PTCHD4: variants seen among roughly 807,000 people sequenced by gnomAD.
The protein encoded by PTCHD4 is patched domain containing 4.
Under a neutral mutation model 58.1 loss-of-function variants are expected in PTCHD4, and 33 were observed. The observed-to-expected ratio is 0.57, with a 90% CI of 0.43 to 0.76. PTCHD4 has a LOEUF of 0.76. PTCHD4 is among the 30% of genes least tolerant of loss of function. The pLI, the probability that PTCHD4 is intolerant of heterozygous loss-of-function variation, is 0.00. For missense variants in PTCHD4, 1,058 were observed against 1,027.1 expected (o/e 1.03, Z -0.41); for synonymous variants, 478 against 409.6 (o/e 1.17, Z -2.02).
intron 4 of PTCHD4, among the ~76,000 whole-genome samples, chr6:47,976,603 A>T (rs1321846856): frequency 6.6e-6 from 1 of 151,926 alleles, no homozygotes; most frequent in African/African-American, 2.4e-5. Flanking sequence ...GAAGTGAGCC[A>T]AGATTGCACC....
chr6:47,955,412 A>G (rs989851413), intron 4 of PTCHD4, among the ~76,000 whole-genome samples: 1 of 152,332 alleles, frequency 6.6e-6, no homozygotes, highest in Admixed American at 6.5e-5. Flanking sequence ...ATAAAAGAGA[A>G]ATAGTATAAG....
intron 3 of PTCHD4, among the ~76,000 whole-genome samples, chr6:48,059,117 T>C (rs768132614): frequency 4.6e-5 from 7 of 152,272 alleles, no homozygotes; most frequent in Non-Finnish European, 1.0e-4. Flanking sequence ...CCTTATAATC[T>C]TCCTACTCAG....
chr6:47,859,832 G>A lies in PTCHD4; in HGVS notation c.*18471C>T, dbSNP rs1483169602. Among the ~76,000 whole-genome samples the A allele has an allele frequency of 6.6e-6, 1 of 151,974 alleles. No homozygotes were observed. The highest frequency in any genetic ancestry group is 1.5e-5 in the Non-Finnish European group (1 of 67,956). ...AAGATGTGAGGGAGGAAGATCTGTGGCTAACTGGGGGAAGAAGAGCATTCA... is the reference window on the plus strand; with the variant it reads ...AAGATGTGAGGGAGGAAGATCTGTGACTAACTGGGGGAAGAAGAGCATTCA... On this transcript the variant is annotated 3_prime_UTR_variant, in exon 5 of 5. Coordinates refer to ENST00000339488, the MANE Select transcript of PTCHD4 (RefSeq NM_001384253.1).
At chr6:47,961,722 C>T (rs1488886182) in intron 4 of PTCHD4, among the ~76,000 whole-genome samples, 2 of 152,010 alleles carry the variant, frequency 1.3e-5, no homozygotes, top group Non-Finnish European at 2.9e-5. Flanking sequence ...TTATTTTAAA[C>T]TGAATAAAAA....
chr6:47,872,053 C>T lies in PTCHD4; in HGVS notation c.*6250G>A, dbSNP rs1757200627. On this transcript the variant is annotated 3_prime_UTR_variant, in exon 5 of 5. Transcript: ENST00000339488. ...CTTTTTTTTTTTTCCCCAGCTCTAT[C>T]AGTGTTGCTACCAACAACCAGTGAA... is the stretch of plus-strand genomic sequence containing the variant. Among the ~76,000 whole-genome samples, 2 of 150,692 alleles carry T rather than the reference C, an allele frequency of 1.3e-5. No individual in the cohort carries two copies. Among genetic ancestry groups the T allele is most frequent in the African/African-American group, 2.4e-5 (1 of 41,076 alleles).
At chr6:47,962,803 A>T (rs1767145402) in intron 4 of PTCHD4, among the ~76,000 whole-genome samples, 1 of 152,008 alleles carries the variant, frequency 6.6e-6, no homozygotes, top group African/African-American at 2.4e-5. Flanking sequence ...GGGCATCCAA[A>T]ATATGTAAGG....
chr6:48,002,766 A>AATC (rs1768785516), intron 4 of PTCHD4, among the ~76,000 whole-genome samples: 1 of 151,542 alleles, frequency 6.6e-6, no homozygotes, highest in African/African-American at 2.4e-5. Context: ...TAATAATAAT[A>AATC]ATAATAATAA....
chr6:48,024,146 A>AT, intron 3 of PTCHD4, among the ~76,000 whole-genome samples: 1 of 152,308 alleles, frequency 6.6e-6, no homozygotes, highest in South Asian at 2.1e-4. Flanking sequence ...CCTGTCTGTT[A>AT]TTTTGTAGGG....
At chr6:48,052,351 GA>G (rs1229690958) in intron 3 of PTCHD4, among the ~76,000 whole-genome samples, 4 of 144,402 alleles carry the variant, frequency 2.8e-5, no homozygotes, top group East Asian at 2.0e-4. Context: ...AACAGTTTAA[GA>G]AAAAAAAAAG....
At position 47,873,361 on chromosome 6, in the gene PTCHD4, C is replaced by T. The variant is rs772594995; in HGVS notation, c.*4942G>A. ...TGATTTCTGAGATGTGGGCTCATCT[C>T]TCAATATCCTTCCAGTGTCATTTCA... On this transcript the variant is annotated 3_prime_UTR_variant, in exon 5 of 5. Transcript: ENST00000339488. Among the ~76,000 whole-genome samples, 7 of 151,672 alleles carry T rather than the reference C, an allele frequency of 4.6e-5. No homozygotes were observed. The highest frequency in any genetic ancestry group is 3.0e-5 in the Non-Finnish European group (2 of 67,760).
intron 1 of PTCHD4, among the ~76,000 whole-genome samples, chr6:48,108,413 G>A (rs1477157290): frequency 2.0e-5 from 3 of 151,976 alleles, no homozygotes; most frequent in African/African-American, 7.3e-5. Flanking sequence ...GAGAACACAT[G>A]GACACAGGAA....
intron 1 of PTCHD4, among the ~76,000 whole-genome samples, chr6:48,109,977 G>GGC: frequency 6.6e-6 from 1 of 152,144 alleles, no homozygotes; most frequent in African/African-American, 2.4e-5. Context: ...TGGTGAGAGT[G>GGC]TGGAGAAAAG....
intron 4 of PTCHD4, among the ~76,000 whole-genome samples, chr6:47,920,544 T>C (rs1765399093): frequency 6.6e-6 from 1 of 152,146 alleles, no homozygotes; most frequent in Non-Finnish European, 1.5e-5. Flanking sequence ...AGATAAAAAT[T>C]GAAATTGTCA....
At chr6:48,018,576 C>T (rs1015833095) in intron 3 of PTCHD4, among the ~76,000 whole-genome samples, 2 of 152,226 alleles carry the variant, frequency 1.3e-5, no homozygotes, top group African/African-American at 4.8e-5. Context: ...AAGGAATTTG[C>T]CCTAATTTAC....
intron 4 of PTCHD4, among the ~76,000 whole-genome samples, chr6:47,923,516 C>G (rs1765499367): frequency 6.6e-6 from 1 of 152,146 alleles, no homozygotes; most frequent in African/African-American, 2.4e-5. Flanking sequence ...TCATTTCCAA[C>G]CAGATGTCTT....
chr6:48,004,776 G>T (rs750102940), intron 4 of PTCHD4, among the ~76,000 whole-genome samples: 9 of 152,084 alleles, frequency 5.9e-5, no homozygotes, highest in Non-Finnish European at 1.2e-4. Context: ...AATTAGCCAG[G>T]CGTGGTGGCA....
At chr6:47,891,207 G>A (rs1417112232) in intron 4 of PTCHD4, among the ~76,000 whole-genome samples, 1 of 133,430 alleles carries the variant, frequency 7.5e-6, no homozygotes, top group Admixed American at 8.0e-5. Context: ...GGGTGACAGA[G>A]TGAGACTGTG....
intron 3 of PTCHD4, among the ~76,000 whole-genome samples, chr6:48,060,718 A>G (rs1582094167): frequency 3.3e-5 from 5 of 151,986 alleles, no homozygotes. Context: ...CAAACGATCC[A>G]CCCACCTCAG....
rs752841896 is a variant in PTCHD4, at chr6:47,991,339, A to G, written c.898+17295T>C. Among the ~76,000 whole-genome samples the G allele has an allele frequency of 1.1e-4, 17 of 152,288 alleles. No homozygotes were observed. The South Asian group carries it at 3.5e-3, about 32-fold the overall frequency. ...AAGATGATAGAGAATAGTTATTTTCAATATAATAAAGGAATTTTGTACCCA... is the reference window on the plus strand; with the variant it reads ...AAGATGATAGAGAATAGTTATTTTCGATATAATAAAGGAATTTTGTACCCA... On this transcript the variant is annotated intron_variant, in intron 4 of 4. Transcript: ENST00000339488.
Sources: allele counts gnomAD v4.1 joint callset (sites outside exome capture counted in the v4.1 genomes callset), GRCh38; gene constraint gnomAD v4.1.1; transcripts MANE v1.5; gene names NCBI Gene and HGNC (gene_info 2026-07-23, HGNC 2026-07-21).